CDKL2: variants seen among roughly 807,000 people sequenced by gnomAD.
CDKL2 encodes cyclin dependent kinase like 2.
In CDKL2, 64 loss-of-function variants were observed where a neutral mutation model predicts 63.9. The observed-to-expected ratio is 1.00, with a 90% CI of 0.82 to 1.23. The LOEUF (loss-of-function observed/expected upper bound fraction) is 1.23. Ranked by LOEUF, CDKL2 falls within the 50% of genes most tolerant of loss-of-function variation. The pLI, the probability that CDKL2 is intolerant of heterozygous loss-of-function variation, is 0.00. For missense variants in CDKL2, 656 were observed against 668.0 expected, an observed-to-expected ratio of 0.98 and a Z score of 0.20; for synonymous variants, 211 against 229.2, an observed-to-expected ratio of 0.92 and a Z score of 0.72.
At chr4:75,612,828 A>G (rs540097567) in intron 3 of CDKL2, among the ~76,000 whole-genome samples, 1 of 152,326 alleles carries the variant, frequency 6.6e-6, no homozygotes, top group Admixed American at 6.5e-5. Context: ...TAGGTTTCTC[A>G]AAATAGATTT....
chr4:75,580,701 T>C (rs1373863358), intron 13 of CDKL2, among the ~76,000 whole-genome samples: 1 of 148,144 alleles, frequency 6.8e-6, no homozygotes, highest in Non-Finnish European at 1.5e-5. Context: ...TGGCTTTTTT[T>C]TTTTTTTCTT....
intron 5 of CDKL2, 103 bp downstream of exon 5, chr4:75,605,417 CAT>C: frequency 1.5e-6 from 1 of 662,952 alleles, no homozygotes; most frequent in Non-Finnish European, 2.6e-6. Context: ...TCACTTAAAA[CAT>C]ATATAATCTT....
intron 3 of CDKL2, among the ~76,000 whole-genome samples, chr4:75,613,510 T>TA (rs1729794764): frequency 6.6e-6 from 1 of 152,214 alleles, no homozygotes; most frequent in Non-Finnish European, 1.5e-5. Flanking sequence ...TGGCAAAATC[T>TA]ATGTGTTGAG....
chr4:75,609,695 G>A (rs1729599929), intron 3 of CDKL2, among the ~76,000 whole-genome samples: 1 of 148,082 alleles, frequency 6.8e-6, no homozygotes, highest in South Asian at 2.1e-4. Context: ...CTACAGCTAG[G>A]CAAAAGACAT....
rs1728979410 is a variant in CDKL2, at chr4:75,597,119, C to T, written c.1138G>A (p.Asp380Asn). The T allele has an allele frequency of 6.2e-7, 1 of 1,614,168 alleles. No individual in the cohort carries two copies. The highest frequency in any genetic ancestry group is 8.5e-7 in the Non-Finnish European group (1 of 1,180,026). The part of the protein sequence containing the change: ...NRASNASCLH[D>N]SRTSHNKIVP... The stretch of plus-strand genomic sequence containing the variant: ...ATTTTGTTGTGGCTTGTCCTACTGT[C>T]ATGGAGACAGCTGGCATTTGAAGCT... The change falls in exon 9 of 14, where the codon GAC becomes AAC. Residue 380 changes from aspartate to asparagine, a missense_variant. Asp to Asn is a conservative substitution (Grantham distance 23, BLOSUM62 1). Coordinates refer to ENST00000307465, the MANE Select transcript of CDKL2 (RefSeq NM_001330724.2).
intron 2 of CDKL2, among the ~76,000 whole-genome samples, chr4:75,615,832 A>T (rs568341322): frequency 7.1e-4 from 108 of 152,076 alleles, no homozygotes; most frequent in Non-Finnish European, 1.1e-3. Flanking sequence ...TCTACAAAAA[A>T]TTTTAAAAAT....
rs1182477130 is a variant in CDKL2 at position 75,581,871 on chromosome 4, A to G, written c.1675T>C (p.Ser559Pro). 1 of 1,612,398 alleles carries G rather than the reference A, an allele frequency of 6.2e-7. No individual in the cohort carries two copies. The highest frequency in any genetic ancestry group is 8.5e-7 in the Non-Finnish European group (1 of 1,178,694). Reference protein sequence around the residue: ...QVSGPPLSDDSGADLPQMEHQ... With the variant: ...QVSGPPLSDDPGADLPQMEHQ... The stretch of plus-strand genomic sequence containing the variant: ...TCCATTTGAGGCAAATCAGCCCCTG[A>G]ATCATCTGACAGGGGAGGTCCTGAT... Residue 559 changes from serine to proline, a missense_variant, in exon 13 of 14, where the codon TCA becomes CCA. Ser to Pro is a moderately conservative substitution (Grantham distance 74, BLOSUM62 -1). Transcript: ENST00000307465.
Position 75,603,871 on chromosome 4 carries a change from T to C in CDKL2, c.741A>G (p.Glu247=), listed in dbSNP as rs1289198659. The C allele has an allele frequency of 1.2e-6, 2 of 1,613,484 alleles. No homozygotes were observed. The highest frequency in any genetic ancestry group is 1.7e-6 in the Non-Finnish European group (2 of 1,179,762). The change falls in exon 6 of 14, where the codon GAA becomes GAG. Residue 247 remains glutamate, a synonymous_variant. Coordinates refer to ENST00000307465, the MANE Select transcript of CDKL2 (RefSeq NM_001330724.2). The part of the protein sequence containing the change: ...GVRLPEIKER[E]PLERRYPKLS... ...GCTTAGGATAGCGTCTTTCAAGAGG[T>C]TCTCTTTCCTTGATTTCAGGCAACC...
At position 75,597,234 on chromosome 4, in the gene CDKL2, A is replaced by G; in HGVS notation, c.1023T>C (p.Asp341=). The G allele has an allele frequency of 1.9e-6, 3 of 1,567,980 alleles. No homozygotes were observed. The highest frequency in any genetic ancestry group is 2.6e-6 in the Non-Finnish European group (3 of 1,145,572). Residue 341 remains aspartate, a splice_region_variant and synonymous_variant, in exon 9 of 14, where the codon GAT becomes GAC. Transcript: ENST00000307465. ...VEERKTLVVQ[D]TNADPKIKDY... is the part of the protein sequence containing the mutation. ...CCTTAATTTTGGGATCAGCATTGGT[A>G]TCCTGATCATTAACAAAAATATTAA...
At chr4:75,623,849 G>C (rs946804059) in intron 2 of CDKL2, among the ~76,000 whole-genome samples, 2 of 152,002 alleles carry the variant, frequency 1.3e-5, no homozygotes, top group East Asian at 3.8e-4. Context: ...AGAAAAATTA[G>C]GGGGCCAGGC....
chr4:75,619,428 CCAGAGCACA>C (rs2148908503), intron 2 of CDKL2, among the ~76,000 whole-genome samples: 1 of 152,060 alleles, frequency 6.6e-6, no homozygotes, highest in South Asian at 2.1e-4. Context: ...AAAAAATTCA[CCAGAGCACA>C]CAGGCCAGAG....
chr4:75,607,690 G>A (rs1199340282), intron 3 of CDKL2, among the ~76,000 whole-genome samples: 1 of 152,080 alleles, frequency 6.6e-6, no homozygotes, highest in Non-Finnish European at 1.5e-5. Context: ...GAAAGGGGTG[G>A]GCTCTAACAT....
At chr4:75,581,664 C>G (rs1728267821) in intron 13 of CDKL2, 146 bp downstream of exon 13, 1 of 544,824 alleles carries the variant, frequency 1.8e-6, no homozygotes, top group African/African-American at 1.9e-5. Flanking sequence ...TTCTGGTTTT[C>G]TAAGTGGCAC....
At chr4:75,587,647 C>T (rs998936580) in intron 12 of CDKL2, among the ~76,000 whole-genome samples, 6 of 152,008 alleles carry the variant, frequency 3.9e-5, no homozygotes, top group Non-Finnish European at 7.4e-5. Flanking sequence ...CAGTGGTTCA[C>T]ACTCCCAGCA....
At chr4:75,611,775 CTTCCGAGTAGCTGGGA>C (rs1729708115) in intron 3 of CDKL2, among the ~76,000 whole-genome samples, 1 of 151,344 alleles carries the variant, frequency 6.6e-6, no homozygotes, top group Non-Finnish European at 1.5e-5. Flanking sequence ...CTGCCTCAGC[CTTCCGAGTAGCTGGGA>C]TTACAGGCAT....
At chr4:75,589,596 G>A (rs920572852) in intron 12 of CDKL2, among the ~76,000 whole-genome samples, 2 of 152,130 alleles carry the variant, frequency 1.3e-5, no homozygotes, top group South Asian at 4.1e-4. Flanking sequence ...GAGCCACCGC[G>A]CCCGGCCGAT....
intron 10 of CDKL2, among the ~76,000 whole-genome samples, chr4:75,594,860 G>T (rs991648754): frequency 1.3e-5 from 2 of 152,196 alleles, no homozygotes; most frequent in African/African-American, 4.8e-5. Context: ...AGTAGGTGGA[G>T]ATGGGATAGA....
At chr4:75,603,523 G>A (rs1560582933) in intron 6 of CDKL2, among the ~76,000 whole-genome samples, 3 of 150,466 alleles carry the variant, frequency 2.0e-5, no homozygotes, top group African/African-American at 4.9e-5. Flanking sequence ...GAGGTCAGGA[G>A]ATTGAGACCA....
chr4:75,612,571 C>T (rs1469267024), intron 3 of CDKL2, among the ~76,000 whole-genome samples: 1 of 152,078 alleles, frequency 6.6e-6, no homozygotes, highest in Non-Finnish European at 1.5e-5. Context: ...ATTACAGGCC[C>T]ATTGGGAAGA....
Sources: allele counts gnomAD v4.1 joint callset (sites outside exome capture counted in the v4.1 genomes callset), GRCh38; gene constraint gnomAD v4.1.1; transcripts MANE v1.5; gene names NCBI Gene and HGNC (gene_info 2026-07-23, HGNC 2026-07-21).